The following DIP2C variants were observed in gnomAD, a reference collection of about 807,000 sequenced individuals.
The protein encoded by DIP2C is DIP2 acetate--CoA ligase C (putative).
In DIP2C, 33 loss-of-function variants were observed where a neutral mutation model predicts 192.4. The observed-to-expected ratio is 0.17, with a 90% CI of 0.13 to 0.23. The LOEUF (loss-of-function observed/expected upper bound fraction) is 0.23, where lower values mean the gene tolerates loss of function less well. Among genes scored for constraint, DIP2C ranks in the 10% least tolerant of loss-of-function variants. DIP2C has a pLI of 1.00. For missense variants in DIP2C, 1,537 were observed against 2,110.1 expected (o/e 0.73, Z 5.32); for synonymous variants, 979 against 864.1 (o/e 1.13, Z -2.33).
At chr10:471,022 G>A (rs967932204) in intron 3 of DIP2C, among the ~76,000 whole-genome samples, 3 of 152,116 alleles carry the variant, frequency 2.0e-5, no homozygotes, top group Non-Finnish European at 2.9e-5. Flanking sequence ...TCCTGAACTC[G>A]ACAGGGGCCT....
chr10:595,177 TTC>T (rs1851631994), intron 1 of DIP2C, among the ~76,000 whole-genome samples: 1 of 152,184 alleles, frequency 6.6e-6, no homozygotes, highest in South Asian at 2.1e-4. Flanking sequence ...ACTGACCTTT[TTC>T]TGACAGTCTC....
In DIP2C at chr10:647,847, T is replaced by G. The variant is rs1487562151; in HGVS notation, c.85+41647A>C. 1.6e-3 allele frequency among the ~76,000 whole-genome samples: 154 copies of G among 95,054 alleles called. No homozygotes were observed. The Middle Eastern group carries it at 0.029, about 18-fold the overall frequency. The allele number at this position is 95,054 out of a possible 152,430, so 62.4% of individuals were successfully genotyped here. On this transcript the variant is annotated intron_variant, in intron 1 of 36. Transcript: ENST00000280886. ...GGGAAACTGAGTCCACGTCCACATT[T>G]GACGGTGGGAGAGAACAGAGGGAAA...
chr10:517,725 A>T (rs1846448654), intron 1 of DIP2C, among the ~76,000 whole-genome samples: 2 of 152,176 alleles, frequency 1.3e-5, no homozygotes, highest in Admixed American at 6.5e-5. Context: ...CCTTTGATTG[A>T]CGGCTTACAA....
intron 31 of DIP2C, among the ~76,000 whole-genome samples, chr10:317,315 C>G (rs1956817134): frequency 6.6e-6 from 1 of 152,228 alleles, no homozygotes; most frequent in African/African-American, 2.4e-5. Context: ...TAAAGTTTGA[C>G]TGAAGCACGG....
rs1245863407 is a variant in DIP2C, at chr10:277,055, A to T, written c.*270T>A. 4 of 262,474 alleles carry T rather than the reference A, an allele frequency of 1.5e-5. No homozygotes were observed. In the African/African-American group the frequency reaches 2.6e-4, roughly 17 times the overall value. 16.3% of individuals were successfully genotyped at this position (262,474 alleles called of 1,614,324 possible). ...TATCCAATAATTAAAAAAGAAAGAA[A>T]AGAAAAGAAAGTTTTGAAATGGGCT... is the stretch of plus-strand genomic sequence containing the variant. On this transcript the variant is annotated 3_prime_UTR_variant, in exon 37 of 37. Transcript: ENST00000280886.
chr10:556,086 ACCC>A (rs369490169), intron 1 of DIP2C, among the ~76,000 whole-genome samples: 11 of 48,216 alleles, frequency 2.3e-4, no homozygotes, highest in East Asian at 1.0e-3. Flanking sequence ...GCACCCACCC[ACCC>A]CCCCTTCCAT....
intron 32 of DIP2C, among the ~76,000 whole-genome samples, chr10:304,701 A>ACACACTAG (rs2132286881): frequency 1.1e-4 from 1 of 9,426 alleles, no homozygotes; most frequent in South Asian, 3.7e-3. Flanking sequence ...ACACACTAGC[A>ACACACTAG]CAAACTCATC....
chr10:579,141 G>A (rs953953780), intron 1 of DIP2C, among the ~76,000 whole-genome samples: 25 of 151,130 alleles, frequency 1.7e-4, no homozygotes, highest in East Asian at 5.9e-4. Context: ...GTGTACATGC[G>A]TAGAGCATAC....
At chr10:345,132 G>C in intron 26 of DIP2C, 22 bp from the exon 27 acceptor site, 1 of 1,601,828 alleles carries the variant, frequency 6.2e-7, no homozygotes, top group Non-Finnish European at 8.5e-7. Context: ...GAGCGAGAAT[G>C]GAGCCATGAA....
chr10:603,260 C>T (rs1410803042), intron 1 of DIP2C, among the ~76,000 whole-genome samples: 3 of 126,894 alleles, frequency 2.4e-5, no homozygotes, highest in African/African-American at 9.2e-5. Context: ...GGCTGCGCCA[C>T]TGTACTCCAA....
chr10:601,194 T>C (rs1174872904), intron 1 of DIP2C, among the ~76,000 whole-genome samples: 3 of 152,188 alleles, frequency 2.0e-5, no homozygotes, highest in Non-Finnish European at 2.9e-5. Context: ...AGTACTTTCA[T>C]TGCATCATAG....
intron 1 of DIP2C, among the ~76,000 whole-genome samples, chr10:623,230 C>T (rs1044549609): frequency 1.3e-5 from 2 of 151,672 alleles, no homozygotes; most frequent in African/African-American, 4.9e-5. Context: ...ATGCTGCAGC[C>T]GGGCTGGCGA....
intron 17 of DIP2C, among the ~76,000 whole-genome samples, chr10:377,408 C>T (rs892227708): frequency 2.6e-5 from 4 of 152,184 alleles, no homozygotes; most frequent in Non-Finnish European, 5.9e-5. Context: ...CTGTAAAACG[C>T]ACGTGGTTGG....
chr10:504,453 T>C (rs762542818), intron 1 of DIP2C, among the ~76,000 whole-genome samples: 7 of 152,202 alleles, frequency 4.6e-5, no homozygotes, highest in Non-Finnish European at 8.8e-5. Context: ...CCGTCAGACC[T>C]GCAGGTGTGA....
At chr10:362,281 A>G (rs1264555148) in intron 22 of DIP2C, among the ~76,000 whole-genome samples, 1 of 152,180 alleles carries the variant, frequency 6.6e-6, no homozygotes, top group Non-Finnish European at 1.5e-5. Context: ...AACACCCCTG[A>G]GCCTACAGAG....
intron 4 of DIP2C, among the ~76,000 whole-genome samples, chr10:434,475 G>A (rs1371753571): frequency 2.0e-5 from 3 of 152,116 alleles, no homozygotes; most frequent in South Asian, 2.1e-4. Flanking sequence ...GTCTCACTAC[G>A]TTGCCCAGGC....
At chr10:605,246 GGCA>G (rs1275532478) in intron 1 of DIP2C, among the ~76,000 whole-genome samples, 5 of 152,130 alleles carry the variant, frequency 3.3e-5, no homozygotes, top group Non-Finnish European at 7.4e-5. Context: ...GGGGAACGGG[GGCA>G]GCAGAACTGA....
intron 1 of DIP2C, among the ~76,000 whole-genome samples, chr10:500,626 GAC>G (rs1453101948): frequency 1.4e-4 from 22 of 152,182 alleles, no homozygotes; most frequent in African/African-American, 5.1e-4. Flanking sequence ...ACGAAACACA[GAC>G]ACAATATCAC....
At chr10:354,328 T>C (rs1364919516) in intron 24 of DIP2C, among the ~76,000 whole-genome samples, 1 of 152,222 alleles carries the variant, frequency 6.6e-6, no homozygotes, top group East Asian at 1.9e-4. Flanking sequence ...CATCCAGCTA[T>C]GCAGGTGACC....
Sources: gnomAD v4.1 joint callset for allele counts (sites outside exome capture counted in the v4.1 genomes callset) on GRCh38, gnomAD v4.1.1 for gene constraint, MANE v1.5 for transcripts, NCBI Gene and HGNC (gene_info 2026-07-23, HGNC 2026-07-21) for gene names.